Variants in MTRES1 observed in about 807,000 individuals in gnomAD.
The protein encoded by MTRES1 is mitochondrial transcription rescue factor 1.
In MTRES1, 11 loss-of-function variants were observed where a neutral mutation model predicts 17.4. The ratio of observed to expected loss-of-function variants is 0.63; its 90% CI spans 0.40 to 1.05. The LOEUF (loss-of-function observed/expected upper bound fraction) is 1.05. MTRES1 is among the 50% of genes least tolerant of loss of function. The probability of loss-of-function intolerance (pLI) is 0.00; values close to 1 mark genes in which losing one functional copy is unlikely to be tolerated. For synonymous variants in MTRES1, 94 were observed against 99.6 expected (o/e 0.94, Z 0.34); for missense variants, 268 against 276.2 (o/e 0.97, Z 0.21).
At chr6:107,050,567 T>G (rs1162468252) in intron 3 of MTRES1, among the ~76,000 whole-genome samples, 1 of 148,530 alleles carries the variant, frequency 6.7e-6, no homozygotes, top group Non-Finnish European at 1.5e-5. Flanking sequence ...TTTTTTTTTT[T>G]TTTTTTTTTC....
intron 3 of MTRES1, among the ~76,000 whole-genome samples, chr6:107,049,573 CCAGCTAATTTTTTG>C (rs1231769120): frequency 6.6e-6 from 1 of 151,726 alleles, no homozygotes; most frequent in Non-Finnish European, 1.5e-5. Flanking sequence ...GCCACCACAC[CCAGCTAATTTTTTG>C]TATTTTTAGT....
chr6:107,039,062 AT>A lies in MTRES1; in HGVS notation c.-12-686del, dbSNP rs370964308. On this transcript the variant is annotated intron_variant, in intron 1 of 3. Coordinates refer to ENST00000311381, the MANE Select transcript of MTRES1 (RefSeq NM_016487.5). ...AGAGCAAAACTCCATCTCAAAAAAA[AT>A]AATAATAAATAAAAAAACAAACATA... 2.4e-4 allele frequency among the ~76,000 whole-genome samples: 36 copies of A among 152,266 alleles called. 1 individual carries two copies. In the South Asian group the frequency reaches 6.8e-3, roughly 29 times the overall value.
At chr6:107,029,205 T>TTTTTTTTTTTTTGG (rs1554226094) in intron 1 of MTRES1, among the ~76,000 whole-genome samples, 1 of 151,240 alleles carries the variant, frequency 6.6e-6, no homozygotes, top group African/African-American at 2.4e-5. Context: ...TTTTTTTTTT[T>TTTTTTTTTTTTTGG]GAGACGCAGT....
At chr6:107,048,136 CT>C (rs1375999533) in intron 3 of MTRES1, among the ~76,000 whole-genome samples, 5 of 151,826 alleles carry the variant, frequency 3.3e-5, no homozygotes, top group Admixed American at 1.3e-4. Flanking sequence ...GTTCCCAAGC[CT>C]TGTATTTCTT....
intron 3 of MTRES1, among the ~76,000 whole-genome samples, chr6:107,046,930 TTGTGTGTGTGTGTGTGTGTG>T (rs67662472): frequency 0.044 from 1,457 of 32,996 alleles, 24 homozygotes; most frequent in African/African-American, 0.093. Flanking sequence ...GGATTCATTC[TTGTGTGTGTGTGTGTGTGTG>T]TGTGTGTGTG....
intron 1 of MTRES1, among the ~76,000 whole-genome samples, chr6:107,034,848 G>A (rs901620114): frequency 2.0e-5 from 3 of 152,000 alleles, no homozygotes; most frequent in African/African-American, 4.8e-5. Flanking sequence ...TTAGCCAGGC[G>A]TGGTGGCACA....
chr6:107,033,325 G>A lies in MTRES1; in HGVS notation c.-13+5054G>A, dbSNP rs185505241. 1.4e-3 allele frequency among the ~76,000 whole-genome samples: 207 copies of A among 152,154 alleles called. 2 individuals are homozygous for A. The highest frequency in any genetic ancestry group is 4.5e-3 in the African/African-American group (187 of 41,514). ...GGCTTGGTAGAGGAGGATGTGACTC[G>A]TGTGGAGTCTGGAGGAAGAGGAGAC... On this transcript the variant is annotated intron_variant, in intron 1 of 3. Coordinates refer to ENST00000311381, the MANE Select transcript of MTRES1 (RefSeq NM_016487.5).
chr6:107,046,105 G>A (rs1481393668), intron 3 of MTRES1, among the ~76,000 whole-genome samples: 2 of 152,176 alleles, frequency 1.3e-5, no homozygotes, highest in Non-Finnish European at 2.9e-5. Context: ...CGGCAGGCTG[G>A]GACTGTGGCT....
intron 2 of MTRES1, among the ~76,000 whole-genome samples, chr6:107,041,224 C>CA (rs55820077): frequency 5.4e-4 from 66 of 122,860 alleles, no homozygotes; most frequent in Middle Eastern, 5.0e-3. Flanking sequence ...GACTCCGTCT[C>CA]AAAAAAAAAA....
At chr6:107,039,109 T>A (rs532675379) in intron 1 of MTRES1, among the ~76,000 whole-genome samples, 24 of 151,850 alleles carry the variant, frequency 1.6e-4, no homozygotes, top group African/African-American at 5.8e-4. Flanking sequence ...ATTGTTAGTA[T>A]TTTTTTTAGG....
intron 3 of MTRES1, among the ~76,000 whole-genome samples, chr6:107,048,710 G>A (rs945767439): frequency 1.3e-5 from 2 of 149,592 alleles, no homozygotes; most frequent in Non-Finnish European, 3.0e-5. Context: ...AAACTGGGAG[G>A]TGGAGGTTGC....
intron 3 of MTRES1, among the ~76,000 whole-genome samples, chr6:107,049,890 T>C (rs2114975910): frequency 6.6e-6 from 1 of 152,130 alleles, no homozygotes; most frequent in South Asian, 2.1e-4. Context: ...CTCAGCTAAT[T>C]TTGTATTTTT....
chr6:107,043,887 G>C (rs953809806), intron 2 of MTRES1, among the ~76,000 whole-genome samples: 1 of 152,228 alleles, frequency 6.6e-6, no homozygotes. Flanking sequence ...CCAGCACTTT[G>C]GGAGGCCAAG....
intron 3 of MTRES1, among the ~76,000 whole-genome samples, chr6:107,045,918 G>A (rs1205064074): frequency 1.3e-5 from 2 of 152,230 alleles, no homozygotes; most frequent in East Asian, 3.9e-4. Context: ...TAGGACATGG[G>A]AAATTGAGGC....
At chr6:107,037,244 A>G (rs557486456) in intron 1 of MTRES1, among the ~76,000 whole-genome samples, 2 of 152,022 alleles carry the variant, frequency 1.3e-5, no homozygotes, top group South Asian at 4.2e-4. Flanking sequence ...TAATTTTTGT[A>G]TTTTGAGTAG....
chr6:107,043,282 C>T lies in MTRES1; in HGVS notation c.471-978C>T, dbSNP rs191364251. Reference sequence around the variant, plus strand: ...TTGGGAGGTGGAAGCTGCAGTGAGCCGAGACCACACCACCGCACTCCAGCC... The same window carrying T: ...TTGGGAGGTGGAAGCTGCAGTGAGCTGAGACCACACCACCGCACTCCAGCC... On this transcript the variant is annotated intron_variant, in intron 2 of 3. Transcript: ENST00000311381. Among the ~76,000 whole-genome samples, 634 of 151,126 alleles carry T rather than the reference C, an allele frequency of 4.2e-3. 9 individuals are homozygous for T. Among genetic ancestry groups the T allele is most frequent in the African/African-American group, 0.014 (593 of 41,070 alleles).
At position 107,039,838 on chromosome 6, in the gene MTRES1, C is replaced by A; in HGVS notation, c.78C>A (p.Leu26=). 6.2e-7 allele frequency: 1 copy of A among 1,614,046 alleles called. No individual in the cohort carries two copies. The highest frequency in any genetic ancestry group is 1.7e-5 in the Admixed American group (1 of 59,990). ...CCTGGATTGGACTCTGGGGTGTTCT[C>A]CGAGGGACACCTTCATCATACAAAC... ...PDAWIGLWGV[L]RGTPSSYKLC... is the part of the protein sequence containing the mutation. The change falls in exon 2 of 4, where the codon CTC becomes CTA. Residue 26 remains leucine, a synonymous_variant. Transcript: ENST00000311381.
intron 1 of MTRES1, among the ~76,000 whole-genome samples, chr6:107,032,487 C>T (rs1182212013): frequency 3.9e-5 from 6 of 151,962 alleles, no homozygotes; most frequent in African/African-American, 1.2e-4. Flanking sequence ...CCGAGGCAGG[C>T]GGATTACAAG....
chr6:107,036,658 A>T (rs1774019591), intron 1 of MTRES1, among the ~76,000 whole-genome samples: 1 of 152,032 alleles, frequency 6.6e-6, no homozygotes, highest in East Asian at 1.9e-4. Flanking sequence ...CCTGTCTAAC[A>T]CGGTGAAACC....
Sources: allele counts gnomAD v4.1 joint callset (sites outside exome capture counted in the v4.1 genomes callset), GRCh38; gene constraint gnomAD v4.1.1; transcripts MANE v1.5; gene names NCBI Gene and HGNC (gene_info 2026-07-23, HGNC 2026-07-21).